Variants in NKAIN2 observed in about 807,000 individuals in gnomAD.
NKAIN2 encodes sodium/potassium-transporting ATPase subunit beta-1-interacting protein 2.
NKAIN2 carries 14 observed loss-of-function variants against 32.6 expected under a neutral mutation model. The ratio of observed to expected loss-of-function variants is 0.43; its 90% CI spans 0.28 to 0.67. The LOEUF (loss-of-function observed/expected upper bound fraction) is 0.67, where lower values mean the gene tolerates loss of function less well. NKAIN2 is among the 30% of genes least tolerant of loss of function. The probability of loss-of-function intolerance (pLI) is 0.17; values close to 1 mark genes in which losing one functional copy is unlikely to be tolerated. For missense variants in NKAIN2, 198 were observed against 258.3 expected, an observed-to-expected ratio of 0.77 and a Z score of 1.60; for synonymous variants, 80 against 87.2, an observed-to-expected ratio of 0.92 and a Z score of 0.46.
intron 3 of NKAIN2, among the ~76,000 whole-genome samples, chr6:124,601,600 G>C (rs1282319391): frequency 1.3e-5 from 2 of 152,020 alleles, no homozygotes; most frequent in Non-Finnish European, 2.9e-5. Flanking sequence ...TTTACTGTAG[G>C]AAGTGCATTG....
intron 3 of NKAIN2, among the ~76,000 whole-genome samples, chr6:124,548,916 T>C (rs1186944441): frequency 5.9e-5 from 9 of 152,202 alleles, no homozygotes; most frequent in Admixed American, 3.9e-4. Context: ...AACATGAAAC[T>C]GAAACTGATT....
At position 124,232,029 on chromosome 6, in the gene NKAIN2, C is replaced by T. The variant is rs143549998; in HGVS notation, c.55-50976C>T. 2.4e-3 allele frequency among the ~76,000 whole-genome samples: 360 copies of T among 152,154 alleles called. 1 individual carries two copies. The highest frequency in any genetic ancestry group is 7.8e-3 in the African/African-American group (323 of 41,534). ...TTTGGATATTCAGAATTTTAAACTC[C>T]GTTCTTGTAGGCACATCTGACTTAC... On this transcript the variant is annotated intron_variant, in intron 1 of 6. Coordinates refer to ENST00000368417, the MANE Select transcript of NKAIN2 (RefSeq NM_001040214.3).
intron 1 of NKAIN2, among the ~76,000 whole-genome samples, chr6:124,146,433 T>C (rs113722735): frequency 5.5e-4 from 84 of 152,328 alleles, no homozygotes; most frequent in Non-Finnish European, 1.0e-3. Context: ...GGGATTTGAA[T>C]TGGAATTCAT....
intron 2 of NKAIN2, among the ~76,000 whole-genome samples, chr6:124,303,359 C>A (rs1290530499): frequency 2.0e-5 from 3 of 152,100 alleles, no homozygotes; most frequent in Non-Finnish European, 4.4e-5. Context: ...TTATGTAAAG[C>A]ATAGTCTTCG....
At chr6:124,192,971 G>A (rs532576037) in intron 1 of NKAIN2, among the ~76,000 whole-genome samples, 1 of 152,030 alleles carries the variant, frequency 6.6e-6, no homozygotes, top group East Asian at 1.9e-4. Flanking sequence ...GGATGGTCTC[G>A]ACCTCCTGAC....
intron 3 of NKAIN2, among the ~76,000 whole-genome samples, chr6:124,396,438 A>AG (rs1773384304): frequency 6.6e-6 from 1 of 151,548 alleles, no homozygotes; most frequent in African/African-American, 2.4e-5. Context: ...TAAAAAAAAA[A>AG]AAAAGAAAAG....
At chr6:123,937,482 C>T (rs1776570226) in intron 1 of NKAIN2, among the ~76,000 whole-genome samples, 1 of 151,948 alleles carries the variant, frequency 6.6e-6, no homozygotes, top group African/African-American at 2.4e-5. Flanking sequence ...CTTATTTGCT[C>T]CAGTTTATAT....
At position 124,344,647 on chromosome 6, in the gene NKAIN2, G is replaced by A. The variant is rs539569364; in HGVS notation, c.193-10620G>A. Among the ~76,000 whole-genome samples, 1,051 of 152,154 alleles carry A rather than the reference G, an allele frequency of 6.9e-3. 1 individual carries two copies. Among genetic ancestry groups the A allele is most frequent in the Non-Finnish European group, 0.012 (805 of 67,998 alleles). On this transcript the variant is annotated intron_variant, in intron 2 of 6. Coordinates refer to ENST00000368417, the MANE Select transcript of NKAIN2 (RefSeq NM_001040214.3). The stretch of plus-strand genomic sequence containing the variant: ...GGCTCTCTGTTTGTCTGTTATTGGT[G>A]TATAAGAATGCTTGTGATTTTTGCA...
chr6:124,703,814 G>C (rs1774917487), intron 4 of NKAIN2, among the ~76,000 whole-genome samples: 1 of 151,988 alleles, frequency 6.6e-6, no homozygotes, highest in Admixed American at 6.6e-5. Context: ...CCAACAGATA[G>C]GGATTTGTGC....
chr6:124,084,434 T>G (rs1414093821), intron 1 of NKAIN2, among the ~76,000 whole-genome samples: 1 of 152,008 alleles, frequency 6.6e-6, no homozygotes, highest in African/African-American at 2.4e-5. Context: ...TATAGTAGAT[T>G]ATACCATCTA....
intron 2 of NKAIN2, among the ~76,000 whole-genome samples, chr6:124,293,386 C>A (rs1795905054): frequency 1.3e-5 from 2 of 151,318 alleles, no homozygotes; most frequent in East Asian, 3.9e-4. Context: ...ATTAAAAATG[C>A]AATTAATTTA....
At chr6:124,409,115 G>T (rs1774018217) in intron 3 of NKAIN2, among the ~76,000 whole-genome samples, 1 of 152,184 alleles carries the variant, frequency 6.6e-6, no homozygotes, top group African/African-American at 2.4e-5. Context: ...GGGTTTTCTA[G>T]ATATACAATG....
At chr6:124,542,727 T>G (rs901887241) in intron 3 of NKAIN2, among the ~76,000 whole-genome samples, 1 of 152,160 alleles carries the variant, frequency 6.6e-6, no homozygotes, top group Non-Finnish European at 1.5e-5. Flanking sequence ...GACCCAAGAT[T>G]CCATATAGCA....
chr6:124,352,391 A>C (rs1798774061), intron 2 of NKAIN2, among the ~76,000 whole-genome samples: 1 of 152,252 alleles, frequency 6.6e-6, no homozygotes. Flanking sequence ...ATACTGAAGT[A>C]GTGACTATTC....
intron 2 of NKAIN2, among the ~76,000 whole-genome samples, chr6:124,347,684 A>G (rs936538250): frequency 3.9e-5 from 6 of 152,182 alleles, no homozygotes; most frequent in Non-Finnish European, 5.9e-5. Context: ...TTTCAGCTCC[A>G]TCAGCTCCTT....
chr6:124,308,796 C>A (rs940647165), intron 2 of NKAIN2, among the ~76,000 whole-genome samples: 13 of 152,066 alleles, frequency 8.5e-5, no homozygotes, highest in Non-Finnish European at 1.5e-4. Context: ...GACATCTAAA[C>A]CCATTCATAG....
intron 1 of NKAIN2, among the ~76,000 whole-genome samples, chr6:124,211,432 T>C (rs1791170726): frequency 6.6e-6 from 1 of 151,946 alleles, no homozygotes; most frequent in South Asian, 2.1e-4. Context: ...GTTTTGGGAA[T>C]AGTGCAAATG....
intron 4 of NKAIN2, among the ~76,000 whole-genome samples, chr6:124,676,205 A>G (rs991285489): frequency 3.9e-5 from 6 of 152,006 alleles, no homozygotes; most frequent in Non-Finnish European, 5.9e-5. Flanking sequence ...TATGATTTCA[A>G]TCTTCTTAAA....
At chr6:124,365,300 C>T (rs1407122106) in intron 3 of NKAIN2, among the ~76,000 whole-genome samples, 1 of 151,622 alleles carries the variant, frequency 6.6e-6, no homozygotes, top group Non-Finnish European at 1.5e-5. Context: ...AGAGATATGC[C>T]TTAAATAGGA....
Sources: gnomAD v4.1 joint callset for allele counts (sites outside exome capture counted in the v4.1 genomes callset) on GRCh38, gnomAD v4.1.1 for gene constraint, MANE v1.5 for transcripts, NCBI Gene and HGNC (gene_info 2026-07-23, HGNC 2026-07-21) for gene names.